The following SIK2 variants were observed in gnomAD, a reference collection of about 807,000 sequenced individuals.
The protein encoded by SIK2 is salt inducible kinase 2, also known as serine/threonine-protein kinase SIK2.
A neutral mutation model predicts 103.2 loss-of-function variants in SIK2; 29 were observed. That is an observed-to-expected ratio of 0.28 (90% CI 0.21 to 0.38). The LOEUF (loss-of-function observed/expected upper bound fraction) is 0.38, where lower values mean the gene tolerates loss of function less well. Among genes scored for constraint, SIK2 ranks in the 10% least tolerant of loss-of-function variants. SIK2 has a pLI of 1.00. For synonymous variants in SIK2, 412 were observed against 446.1 expected (o/e 0.92, Z 0.96); for missense variants, 879 against 1,171.0 (o/e 0.75, Z 3.64).
Position 111,727,377 on chromosome 11 carries a change from G to T in SIK2, c.*3248G>T, listed in dbSNP as rs1944007793. 1 of 394,230 alleles carries T rather than the reference G, an allele frequency of 2.5e-6. No individual in the cohort carries two copies. Among genetic ancestry groups the T allele is most frequent in the East Asian group, 4.3e-5 (1 of 23,396 alleles). The allele number at this position is 394,230 out of a possible 1,614,324, so 24.4% of individuals were successfully genotyped here. A position where few individuals can be genotyped will look rare whatever the true frequency, so the allele number is the denominator to read the frequency against. ...TGGCCCTTTCTTCCTCAGATATCAA[G>T]AACTCCCAAGTGTTTAAACCGTATG... On this transcript the variant is annotated 3_prime_UTR_variant, in exon 15 of 15. Coordinates refer to ENST00000304987, the MANE Select transcript of SIK2 (RefSeq NM_015191.3).
At chr11:111,671,520 C>G (rs1942627206) in intron 3 of SIK2, 3 of 305,978 alleles carry the variant, frequency 9.8e-6, no homozygotes, top group Admixed American at 8.4e-5. Context: ...ATAGCTCCTG[C>G]AACTCCTCAT....
chr11:111,623,448 C>T (rs941416662), intron 3 of SIK2, among the ~76,000 whole-genome samples: 8 of 152,168 alleles, frequency 5.3e-5, no homozygotes, highest in South Asian at 2.1e-4. Context: ...TAGACATTGC[C>T]AATTTTACCT....
At chr11:111,607,698 C>T (rs1941665990) in intron 1 of SIK2, among the ~76,000 whole-genome samples, 1 of 152,064 alleles carries the variant, frequency 6.6e-6, no homozygotes, top group Non-Finnish European at 1.5e-5. Flanking sequence ...TATATACTTT[C>T]ATAGAATTTT....
rs542022766 is a variant in SIK2 at position 111,713,774 on chromosome 11, G to A, written c.1266+1399G>A. ...ATGACGTCAGGAGTTCAAGACCAGC[G>A]TGGCCAACATGGCGAAACTCCGTCT... On this transcript the variant is annotated intron_variant, in intron 9 of 14. Coordinates refer to ENST00000304987, the MANE Select transcript of SIK2 (RefSeq NM_015191.3). 1.5e-4 allele frequency among the ~76,000 whole-genome samples: 23 copies of A among 152,158 alleles called. No homozygotes were observed. In the South Asian group the frequency reaches 2.9e-3, roughly 19 times the overall value.
At chr11:111,683,412 AT>A (rs1317655601) in intron 3 of SIK2, 57 of 152,014 alleles carry the variant, frequency 3.7e-4, no homozygotes, top group Admixed American at 3.7e-3. Context: ...TGTTCTGTAA[AT>A]AAGGTTTTTA....
At chr11:111,696,136 T>A (rs1943065623) in intron 4 of SIK2, among the ~76,000 whole-genome samples, 1 of 152,160 alleles carries the variant, frequency 6.6e-6, no homozygotes. Context: ...CTAATCCTCT[T>A]CTATAAATAT....
intron 3 of SIK2, among the ~76,000 whole-genome samples, chr11:111,673,925 T>C (rs1472519755): frequency 1.3e-5 from 2 of 151,550 alleles, no homozygotes; most frequent in East Asian, 3.9e-4. Flanking sequence ...AATACAAAAA[T>C]TAGCCAGGCG....
intron 3 of SIK2, among the ~76,000 whole-genome samples, chr11:111,659,020 T>C (rs1167419753): frequency 6.6e-6 from 1 of 152,218 alleles, no homozygotes; most frequent in Non-Finnish European, 1.5e-5. Context: ...TCCAGATACC[T>C]TTGTATTAAT....
At chr11:111,638,404 C>T (rs376065808) in intron 3 of SIK2, among the ~76,000 whole-genome samples, 40 of 152,302 alleles carry the variant, frequency 2.6e-4, no homozygotes, top group African/African-American at 9.4e-4. Context: ...AAACCATCTT[C>T]ACCTGATCAT....
At chr11:111,644,235 G>T (rs1163956189) in intron 3 of SIK2, among the ~76,000 whole-genome samples, 2 of 147,078 alleles carry the variant, frequency 1.4e-5, no homozygotes, top group Non-Finnish European at 3.0e-5. Flanking sequence ...GTTGTGGTGA[G>T]CCGAGATCAC....
intron 4 of SIK2, among the ~76,000 whole-genome samples, chr11:111,689,014 A>C (rs1942888010): frequency 6.6e-6 from 1 of 152,228 alleles, no homozygotes; most frequent in Admixed American, 6.5e-5. Context: ...AAGCTTCACA[A>C]AGAAGGAATT....
intron 9 of SIK2, among the ~76,000 whole-genome samples, chr11:111,714,087 T>C (rs1274364610): frequency 1.3e-5 from 2 of 152,156 alleles, no homozygotes; most frequent in Admixed American, 6.5e-5. Flanking sequence ...GAACTGAGGA[T>C]TGAAAGACGG....
intron 3 of SIK2, among the ~76,000 whole-genome samples, chr11:111,669,058 TAATTC>T (rs901661440): frequency 6.6e-6 from 1 of 152,228 alleles, no homozygotes; most frequent in Non-Finnish European, 1.5e-5. Flanking sequence ...AGCTGATAGA[TAATTC>T]AAGAAGGAAA....
chr11:111,627,263 G>A (rs577108756), intron 3 of SIK2, among the ~76,000 whole-genome samples: 2 of 152,210 alleles, frequency 1.3e-5, no homozygotes, highest in African/African-American at 4.8e-5. Flanking sequence ...TGAAAAATAT[G>A]TACATTAGTC....
At chr11:111,620,937 T>G (rs2135840393) in intron 3 of SIK2, among the ~76,000 whole-genome samples, 1 of 152,342 alleles carries the variant, frequency 6.6e-6, no homozygotes. Context: ...GTGTTTATGA[T>G]TCATTCGAAC....
In SIK2 at chr11:111,712,295, G is replaced by A. The variant is rs142089853; in HGVS notation, c.1186G>A (p.Val396Met). The change falls in exon 9 of 15, where the codon GTG becomes ATG. Residue 396 changes from valine to methionine, a missense_variant. By Grantham distance (21) the Val-to-Met change is conservative. Coordinates refer to ENST00000304987, the MANE Select transcript of SIK2 (RefSeq NM_015191.3). Reference protein sequence around the residue: ...RSALLPQASNVEAFSFPASGC... With the variant: ...RSALLPQASNMEAFSFPASGC... ...TGCCCTCCTCCCCCAGGCATCCAAC[G>A]TGGAGGCCTTTTCATTTCCAGCATC... is the stretch of plus-strand genomic sequence containing the variant. The A allele has an allele frequency of 2.8e-4, 445 of 1,614,144 alleles. 3 individuals carry two copies. In the African/African-American group the frequency reaches 5.2e-3, roughly 19 times the overall value.
rs146609137 is a variant in SIK2, at chr11:111,720,874, G to A, written c.1781-25G>A. On this transcript the variant is annotated intron_variant, in intron 11 of 14. Transcript: ENST00000304987. The stretch of plus-strand genomic sequence containing the variant: ...AAAGGCCTTGTATTTTAGTTAAACT[G>A]TTTGGTCTTGGTGCTTTCTTTCAGG... The A allele has an allele frequency of 2.2e-4, 362 of 1,610,280 alleles. 2 individuals carry two copies. The African/African-American group carries it at 3.9e-3, about 17-fold the overall frequency.
intron 3 of SIK2, among the ~76,000 whole-genome samples, chr11:111,683,698 C>T (rs941822303): frequency 4.4e-4 from 67 of 152,206 alleles, no homozygotes; most frequent in Non-Finnish European, 7.8e-4. Flanking sequence ...GTGATCCGCC[C>T]GCCTCAGCCT....
chr11:111,614,085 A>ATTT (rs5794759), intron 1 of SIK2, among the ~76,000 whole-genome samples: 42 of 137,628 alleles, frequency 3.1e-4, no homozygotes, highest in Admixed American at 1.7e-3. Flanking sequence ...CTCTCCCCCC[A>ATTT]TTTTTTTTTT....
Sources: gnomAD v4.1 joint callset for allele counts (sites outside exome capture counted in the v4.1 genomes callset) on GRCh38, gnomAD v4.1.1 for gene constraint, MANE v1.5 for transcripts, NCBI Gene and HGNC (gene_info 2026-07-23, HGNC 2026-07-21) for gene names.